Variants in BTBD16 observed in about 807,000 individuals in gnomAD.
BTBD16 encodes the protein BTB/POZ domain-containing protein 16.
Under a neutral mutation model 67.4 loss-of-function variants are expected in BTBD16, and 66 were observed. The ratio of observed to expected loss-of-function variants is 0.98; its 90% confidence interval spans 0.80 to 1.20. The LOEUF (loss-of-function observed/expected upper bound fraction) is 1.20, where lower values mean the gene tolerates loss of function less well. Ranked by LOEUF, BTBD16 falls within the 50% of genes most tolerant of loss-of-function variation. The pLI, the probability that BTBD16 is intolerant of heterozygous loss-of-function variation, is 0.00. For synonymous variants in BTBD16, 242 were observed against 236.4 expected (o/e 1.02, Z -0.22); for missense variants, 634 against 616.0 (o/e 1.03, Z -0.31).
At chr10:122,301,115 C>G (rs776193837) in intron 9 of BTBD16, among the ~76,000 whole-genome samples, 11 of 152,186 alleles carry the variant, frequency 7.2e-5, no homozygotes, top group Non-Finnish European at 1.3e-4. Context: ...CTTTTCCCCA[C>G]TCAGGTGCTC....
chr10:122,336,530 G>A lies in BTBD16; in HGVS notation c.1300G>A (p.Val434Ile). The A allele has an allele frequency of 1.2e-6, 2 of 1,611,884 alleles. No individual in the cohort carries two copies. Among genetic ancestry groups the A allele is most frequent in the Non-Finnish European group, 1.7e-6 (2 of 1,178,994 alleles). The change falls in exon 15 of 16, where the codon GTC becomes ATC. Residue 434 changes from valine (V) to isoleucine (I), a missense_variant. Physicochemically the swap from Val to Ile is conservative, Grantham distance 29. Coordinates refer to ENST00000260723, the MANE Select transcript of BTBD16 (RefSeq NM_144587.5). ...CACAGACCTGGAATCTCCCTCTGCG[G>A]TCTACGAGCACAACCACGTCAGCCT... ...KHTDLESPSA[V>I]YEHNHVSLRA...
chr10:122,282,478 A>G (rs991178507), intron 3 of BTBD16, among the ~76,000 whole-genome samples: 1 of 152,220 alleles, frequency 6.6e-6, no homozygotes. Flanking sequence ...ACCCTGACCC[A>G]TGGGGTCTCC....
intron 9 of BTBD16, among the ~76,000 whole-genome samples, chr10:122,299,655 G>A (rs58215450): frequency 0.038 from 5,820 of 151,740 alleles, 365 homozygotes; most frequent in African/African-American, 0.13. Context: ...TCTGACTAGC[G>A]GATCAAGCTA....
At position 122,273,221 on chromosome 10, in the gene BTBD16, G is replaced by GATAGATAGATATATAT. The variant is rs1034902866; in HGVS notation, c.-43+1710_-43+1711insGATAGATATATATATA. On this transcript the variant is annotated intron_variant, in intron 1 of 15. Transcript: ENST00000260723. The stretch of plus-strand genomic sequence containing the variant: ...ATAGAAATAAAAACAGCAACACAAA[G>GATAGATAGATATATAT]ATATATATATATATATATATATATA... Among the ~76,000 whole-genome samples, 256 of 129,456 alleles carry GATAGATAGATATATAT rather than the reference G, an allele frequency of 2.0e-3. 2 individuals are homozygous for GATAGATAGATATATAT. Among genetic ancestry groups the GATAGATAGATATATAT allele is most frequent in the African/African-American group, 6.8e-3 (238 of 35,182 alleles). 84.9% of individuals were successfully genotyped at this position (129,456 alleles called of 152,430 possible).
At chr10:122,280,517 A>G (rs1274897266) in intron 3 of BTBD16, among the ~76,000 whole-genome samples, 1 of 152,050 alleles carries the variant, frequency 6.6e-6, no homozygotes, top group Non-Finnish European at 1.5e-5. Flanking sequence ...GGAGGAGGTC[A>G]TGCTTAAGAG....
intron 7 of BTBD16, chr10:122,295,576 G>A (rs2096381605): frequency 1.0e-6 from 1 of 971,932 alleles, no homozygotes; most frequent in East Asian, 1.1e-4. Flanking sequence ...GAGGCTGGCT[G>A]TTGAGAGGCT....
chr10:122,324,091 G>T (rs1310589566), intron 10 of BTBD16, among the ~76,000 whole-genome samples: 1 of 152,208 alleles, frequency 6.6e-6, no homozygotes, highest in African/African-American at 2.4e-5. Context: ...TTCTCCAGCT[G>T]AGTCTCTTCT....
At chr10:122,272,983 A>G (rs986304042) in intron 1 of BTBD16, among the ~76,000 whole-genome samples, 2 of 152,124 alleles carry the variant, frequency 1.3e-5, no homozygotes, top group African/African-American at 2.4e-5. Context: ...AATTAAAGTA[A>G]GAATCTGAAA....
chr10:122,292,671 C>T (rs2096376285), intron 7 of BTBD16, among the ~76,000 whole-genome samples: 1 of 152,236 alleles, frequency 6.6e-6, no homozygotes, highest in Admixed American at 6.5e-5. Context: ...GCCTCAAGGA[C>T]AACTTCTTAG....
At chr10:122,282,102 G>A (rs1386672445) in intron 3 of BTBD16, among the ~76,000 whole-genome samples, 2 of 152,214 alleles carry the variant, frequency 1.3e-5, no homozygotes, top group African/African-American at 2.4e-5. Context: ...GGAGAAGGCA[G>A]TGTGCTCACC....
intron 9 of BTBD16, 41 bp downstream of exon 9, chr10:122,299,175 T>C (rs1372580132): frequency 6.2e-7 from 1 of 1,605,990 alleles, no homozygotes; most frequent in East Asian, 2.2e-5. Context: ...GAGAGGGGGA[T>C]GGGAGAAAGT....
Position 122,299,154 on chromosome 10 carries a change from G to A in BTBD16, c.791+20G>A. On this transcript the variant is annotated intron_variant, in intron 9 of 15. Coordinates refer to ENST00000260723, the MANE Select transcript of BTBD16 (RefSeq NM_144587.5). Reference sequence around the variant, plus strand: ...CCCCAGGTCAGAGCTGGCTCCCAGGGTGCGGCCCCTGAGAGGGGGATGGGA... The same window carrying A: ...CCCCAGGTCAGAGCTGGCTCCCAGGATGCGGCCCCTGAGAGGGGGATGGGA... 1 of 1,611,770 alleles carries A rather than the reference G, an allele frequency of 6.2e-7. No individual in the cohort carries two copies. The highest frequency in any genetic ancestry group is 8.5e-7 in the Non-Finnish European group (1 of 1,179,064).
chr10:122,328,928 T>A, intron 10 of BTBD16: 1 of 639,396 alleles, frequency 1.6e-6, no homozygotes, highest in South Asian at 6.9e-5. Context: ...CTAAAACTAG[T>A]TCCCCACACA....
chr10:122,309,579 G>A (rs968642116), intron 10 of BTBD16, among the ~76,000 whole-genome samples: 3 of 151,900 alleles, frequency 2.0e-5, no homozygotes, highest in Middle Eastern at 3.4e-3. Context: ...TCTTGACCTC[G>A]CGATCCACCC....
chr10:122,284,815 C>T (rs575639934), intron 4 of BTBD16, among the ~76,000 whole-genome samples: 1 of 151,966 alleles, frequency 6.6e-6, no homozygotes, highest in East Asian at 1.9e-4. Flanking sequence ...AGTCTGAGAC[C>T]ATCTCCTGGC....
chr10:122,300,784 C>T (rs906466496), intron 9 of BTBD16, among the ~76,000 whole-genome samples: 17 of 152,038 alleles, frequency 1.1e-4, no homozygotes, highest in Non-Finnish European at 2.1e-4. Flanking sequence ...ATTTTATTAC[C>T]TCTGAGTAAA....
At chr10:122,291,377 A>C in intron 7 of BTBD16, 183 bp downstream of exon 7, 1 of 689,234 alleles carries the variant, frequency 1.5e-6, no homozygotes, top group Non-Finnish European at 2.2e-6. Context: ...CAGGTGAGCC[A>C]TCTCTCCAGC....
chr10:122,305,924 C>A (rs1205298521), intron 9 of BTBD16, among the ~76,000 whole-genome samples: 1 of 152,224 alleles, frequency 6.6e-6, no homozygotes, highest in Non-Finnish European at 1.5e-5. Context: ...TGCCTTCACT[C>A]TTTTTCATGG....
rs1045696242 is a variant in BTBD16, at chr10:122,327,494, G to A, written c.912-1986G>A. 4 of 641,788 alleles carry A rather than the reference G, an allele frequency of 6.2e-6. No individual in the cohort carries two copies. In the African/African-American group the frequency reaches 8.0e-5, roughly 13 times the overall value. 39.8% of individuals were successfully genotyped at this position (641,788 alleles called of 1,614,324 possible). A position where few individuals can be genotyped will look rare whatever the true frequency, so the allele number is the denominator to read the frequency against. On this transcript the variant is annotated intron_variant, in intron 10 of 15. Transcript: ENST00000260723. ...GTGGCTACTGCTCCCACTTGACAGA[G>A]GAGAGTGAAGCTCTGAGAGGCCCGG...
Sources: allele counts gnomAD v4.1 joint callset (sites outside exome capture counted in the v4.1 genomes callset), GRCh38; gene constraint gnomAD v4.1.1; transcripts MANE v1.5; gene names NCBI Gene and HGNC (gene_info 2026-07-23, HGNC 2026-07-21).